The following PHF19 variants were observed in gnomAD, a reference collection of about 807,000 sequenced individuals.
The protein encoded by PHF19 is polycomb like 3.
A neutral mutation model predicts 79.8 loss-of-function variants in PHF19; 21 were observed. The observed-to-expected ratio is 0.26, with a 90% CI of 0.19 to 0.38. PHF19 has a LOEUF of 0.38. PHF19 is among the 10% of genes least tolerant of loss of function. The pLI, the probability that PHF19 is intolerant of heterozygous loss-of-function variation, is 1.00. For synonymous variants in PHF19, 273 were observed against 296.3 expected (o/e 0.92, Z 0.81); for missense variants, 445 against 744.2 (o/e 0.60, Z 4.68).
chr9:120,861,252 C>T, intron 12 of PHF19, 78 bp from the exon 13 acceptor site: 1 of 851,312 alleles, frequency 1.2e-6, no homozygotes, highest in Non-Finnish European at 2.1e-6. Flanking sequence ...GCCTCCTATC[C>T]AGCCAGGGCC....
intron 1 of PHF19, among the ~76,000 whole-genome samples, chr9:120,893,719 C>T (rs1044129592): frequency 2.6e-5 from 4 of 152,224 alleles, no homozygotes; most frequent in Admixed American, 1.3e-4. Flanking sequence ...CTGGGGCTCA[C>T]TCCCTCTGAG....
At position 120,862,843 on chromosome 9, in the gene PHF19, C is replaced by G. The variant is rs775686890; in HGVS notation, c.969-94G>C. 2 of 1,197,622 alleles carry G rather than the reference C, an allele frequency of 1.7e-6. No individual in the cohort carries two copies. The highest frequency in any genetic ancestry group is 2.4e-6 in the Non-Finnish European group (2 of 818,598). 74.2% of individuals were successfully genotyped at this position (1,197,622 alleles called of 1,614,324 possible). On this transcript the variant is annotated intron_variant, in intron 10 of 14. Coordinates refer to ENST00000373896, the MANE Select transcript of PHF19 (RefSeq NM_015651.3). This position sits in a 1 kb window ranked among gnomAD's most constrained non-coding sequence, Gnocchi z 4.6. Reference sequence around the variant, plus strand: ...AGCATGACACAAGCCTCTCTGCCTCCTTGGACCCAGAGCTAAAATCCGGAT... The same window carrying G: ...AGCATGACACAAGCCTCTCTGCCTCGTTGGACCCAGAGCTAAAATCCGGAT...
At chr9:120,867,110 G>C (rs980937924) in intron 6 of PHF19, 145 bp from the exon 7 acceptor site, 1 of 619,120 alleles carries the variant, frequency 1.6e-6, no homozygotes, top group Non-Finnish European at 3.0e-6. Flanking sequence ...TGTGCCAAGG[G>C]AGGACCTGAG....
chr9:120,862,509 G>A lies in PHF19; in HGVS notation c.1130+79C>T. ...GTCCTACAGCTGGGACTGGCTGGGT[G>A]CAGGTCCTCCTTGCTTGCTTGGAAG... On this transcript the variant is annotated intron_variant, in intron 11 of 14. Coordinates refer to ENST00000373896, the MANE Select transcript of PHF19 (RefSeq NM_015651.3). The surrounding 1 kb of genome is among the most constrained non-coding windows in gnomAD (Gnocchi z 4.6). 7.8e-7 allele frequency: 1 copy of A among 1,289,440 alleles called. No homozygotes were observed. The highest frequency in any genetic ancestry group is 2.3e-5 in the East Asian group (1 of 43,272). 79.9% of individuals were successfully genotyped at this position (1,289,440 alleles called of 1,614,324 possible).
In PHF19 at chr9:120,860,577, G is replaced by A. The variant is rs1363657265; in HGVS notation, c.1305-392C>T. On this transcript the variant is annotated intron_variant, in intron 13 of 14. Transcript: ENST00000373896. This position sits in a 1 kb window ranked among gnomAD's most constrained non-coding sequence, Gnocchi z 4.1. The stretch of plus-strand genomic sequence containing the variant: ...TAGCTAGTACTGATAAGCAGGGTCT[G>A]GAGTTCAGGTCTGACTCTAAAGCCC... The A allele has an allele frequency of 4.1e-6, 1 of 244,698 alleles. No individual in the cohort carries two copies. The highest frequency in any genetic ancestry group is 8.2e-6 in the Non-Finnish European group (1 of 122,600). 15.2% of individuals were successfully genotyped at this position (244,698 alleles called of 1,614,324 possible).
chr9:120,890,273 C>CTTTTT (rs10658749), intron 1 of PHF19, among the ~76,000 whole-genome samples: 45 of 115,390 alleles, frequency 3.9e-4, no homozygotes, highest in African/African-American at 7.3e-4. Flanking sequence ...AATGAGCCTG[C>CTTTTT]TTTTTTTTTT....
chr9:120,874,519 TGAGTCTGA>T lies in PHF19; in HGVS notation c.186+29_186+36del, dbSNP rs1388988455. On this transcript the variant is annotated intron_variant, in intron 2 of 14. Transcript: ENST00000373896. The surrounding 1 kb of genome is among the most constrained non-coding windows in gnomAD (Gnocchi z 4.5). ...GGCTGGAACATGAGCAGAGAGATTC[TGAGTCTGA>T]GAACAGGGGCCAGAGAGGATGGGTT... is the stretch of plus-strand genomic sequence containing the variant. The T allele has an allele frequency of 1.5e-6, 2 of 1,354,548 alleles. No individual in the cohort carries two copies. The highest frequency in any genetic ancestry group is 2.1e-6 in the Non-Finnish European group (2 of 950,754). The allele number at this position is 1,354,548 out of a possible 1,614,324, so 83.9% of individuals were successfully genotyped here.
chr9:120,901,819 G>C, the PHF19 span, among the ~76,000 whole-genome samples: 2 of 152,180 alleles, frequency 1.3e-5, no homozygotes, highest in African/African-American at 4.8e-5. Context: ...TGATGCCCCA[G>C]TCAAGTCTGA....
At chr9:120,884,362 C>T (rs1383978967) in intron 1 of PHF19, among the ~76,000 whole-genome samples, 1 of 152,090 alleles carries the variant, frequency 6.6e-6, no homozygotes, top group Middle Eastern at 3.2e-3. Flanking sequence ...AGTCGATCCG[C>T]GTGAGGTGGA....
Position 120,862,124 on chromosome 9 carries a change from C to T in PHF19, c.1131-119G>A. The T allele has an allele frequency of 2.6e-6, 2 of 760,270 alleles. No individual in the cohort carries two copies. The highest frequency in any genetic ancestry group is 1.4e-5 in the South Asian group (1 of 72,500). The allele number at this position is 760,270 out of a possible 1,614,324, so 47.1% of individuals were successfully genotyped here. On this transcript the variant is annotated intron_variant, in intron 11 of 14. Transcript: ENST00000373896. This position sits in a 1 kb window ranked among gnomAD's most constrained non-coding sequence, Gnocchi z 4.6. The stretch of plus-strand genomic sequence containing the variant: ...CAGTTGGGGAGACAGGCTCTGAACA[C>T]AGCTGCACCTTCACAGGGAGGCCTG...
At chr9:120,881,992 C>T (rs536169072), upstream of PHF19, among the ~76,000 whole-genome samples, 1 of 152,362 alleles carries the variant, frequency 6.6e-6, no homozygotes, top group East Asian at 1.9e-4. Flanking sequence ...GAACTCCTGA[C>T]TTCATGATCC....
Position 120,857,956 on chromosome 9 carries a change from G to A in PHF19, c.1731C>T (p.Thr577=). 2 of 1,595,436 alleles carry A rather than the reference G, an allele frequency of 1.3e-6. No homozygotes were observed. The highest frequency in any genetic ancestry group is 1.1e-5 in the South Asian group (1 of 89,570). The stretch of plus-strand genomic sequence containing the variant: ...CCCCGGGGGCTAGTCAGTAAGGGGT[G>A]GTCCCTTCCCACTCCACCAGGTACT... ...KVQYLVEWEG[T]TPY Residue 577 remains threonine (T), a synonymous_variant, in exon 15 of 15, where the codon ACC becomes ACT. Transcript: ENST00000373896.
rs925438435 is a variant in PHF19, at chr9:120,862,260, C to T, written c.1131-255G>A. Among the ~76,000 whole-genome samples the T allele has an allele frequency of 1.3e-5, 2 of 152,178 alleles. No individual in the cohort carries two copies. Among genetic ancestry groups the T allele is most frequent in the East Asian group, 3.9e-4 (2 of 5,194 alleles). ...AGGCACATGCATCCAGATGCCCTGC[C>T]CCCCAGTGCCAGGATGAGGGGGCTC... On this transcript the variant is annotated intron_variant, in intron 11 of 14. Transcript: ENST00000373896. The surrounding 1 kb of genome is among the most constrained non-coding windows in gnomAD (Gnocchi z 4.6).
chr9:120,873,865 T>C (rs1228956314), intron 3 of PHF19, 114 bp downstream of exon 3: 1 of 676,850 alleles, frequency 1.5e-6, no homozygotes, highest in Non-Finnish European at 2.7e-6. Context: ...GGGTTCATGG[T>C]CAAGGGCAGA....
In PHF19 at chr9:120,894,787, C is replaced by G; in HGVS notation, c.42+1G>C. 8.1e-7 allele frequency: 1 copy of G among 1,228,668 alleles called. No homozygotes were observed. Among genetic ancestry groups the G allele is most frequent in the East Asian group, 3.2e-5 (1 of 31,616 alleles). 76.1% of individuals were successfully genotyped at this position (1,228,668 alleles called of 1,614,324 possible). On this transcript the variant is annotated splice_donor_variant, in intron 1 of 14. Transcript: ENST00000616568. LOFTEE classifies it high-confidence loss of function. ...GGTTCTTGTCGATCTCCCGGACCCA[C>G]CTGGGCGCTGGGATAGGGACCACGG...
At chr9:120,897,603 G>T (rs1400760598), upstream of PHF19, among the ~76,000 whole-genome samples, 1 of 152,124 alleles carries the variant, frequency 6.6e-6, no homozygotes, top group East Asian at 1.9e-4. Flanking sequence ...AGAAGCAGAT[G>T]AAATGAATTT....
chr9:120,865,403 A>G (rs927901397), intron 9 of PHF19, among the ~76,000 whole-genome samples: 1 of 152,212 alleles, frequency 6.6e-6, no homozygotes, highest in Admixed American at 6.5e-5. Flanking sequence ...CAGTGGGCAG[A>G]CCCACTCCAT....
chr9:120,876,862 G>T, intron 1 of PHF19: 1 of 377,616 alleles, frequency 2.6e-6, no homozygotes, highest in Non-Finnish European at 3.6e-6. Context: ...GGGCGAGGAA[G>T]AACGACCTGT....
the PHF19 span, among the ~76,000 whole-genome samples, chr9:120,901,442 G>A: frequency 2.0e-5 from 3 of 152,186 alleles, no homozygotes; most frequent in South Asian, 2.1e-4. Flanking sequence ...TGATCCACCC[G>A]CCTTGGCTTC....
Sources: allele counts gnomAD v4.1 joint callset (sites outside exome capture counted in the v4.1 genomes callset), GRCh38; gene constraint gnomAD v4.1.1; non-coding constraint Gnocchi (gnomAD v3.1); transcripts MANE v1.5; gene names NCBI Gene and HGNC (gene_info 2026-07-23, HGNC 2026-07-21).